The following KCNH1 variants were observed in gnomAD, a reference collection of about 807,000 sequenced individuals.
KCNH1 encodes voltage-gated delayed rectifier potassium channel KCNH1.
In KCNH1, 27 loss-of-function variants were observed where a neutral mutation model predicts 69.2. The observed-to-expected ratio is 0.39, with a 90% CI of 0.29 to 0.54. The LOEUF (loss-of-function observed/expected upper bound fraction) is 0.54, where lower values mean the gene tolerates loss of function less well. KCNH1 is among the 20% of genes least tolerant of loss of function. KCNH1 has a pLI of 0.68. For missense variants in KCNH1, 798 were observed against 1,261.6 expected, an observed-to-expected ratio of 0.63 and a Z score of 5.57; for synonymous variants, 456 against 487.7, an observed-to-expected ratio of 0.93 and a Z score of 0.86.
At chr1:210,975,366 A>C (rs192232775) in intron 6 of KCNH1, among the ~76,000 whole-genome samples, 8 of 152,354 alleles carry the variant, frequency 5.3e-5, no homozygotes, top group Admixed American at 5.2e-4. Context: ...AGGCTACAGT[A>C]ACCAAAACAG....
intron 1 of KCNH1, among the ~76,000 whole-genome samples, chr1:211,128,066 G>A (rs954820156): frequency 2.0e-5 from 3 of 151,974 alleles, no homozygotes; most frequent in South Asian, 2.1e-4. Flanking sequence ...CAAGGCGGGC[G>A]GATCACAAGG....
intron 7 of KCNH1, chr1:210,859,919 T>G: frequency 7.0e-7 from 1 of 1,435,218 alleles, no homozygotes; most frequent in Non-Finnish European, 9.8e-7. Flanking sequence ...AATGTAAAGC[T>G]GCAATTGCAA....
At chr1:210,745,203 C>T (rs1260392674) in intron 10 of KCNH1, among the ~76,000 whole-genome samples, 4 of 70,912 alleles carry the variant, frequency 5.6e-5, no homozygotes, top group African/African-American at 1.8e-4. Flanking sequence ...GACTCTGTCT[C>T]AATAATAATA....
intron 10 of KCNH1, among the ~76,000 whole-genome samples, chr1:210,688,422 G>T (rs1392186786): frequency 6.6e-6 from 1 of 152,134 alleles, no homozygotes; most frequent in African/African-American, 2.4e-5. Context: ...AAACTTTGTG[G>T]CTATAGCCAT....
intron 5 of KCNH1, among the ~76,000 whole-genome samples, chr1:211,080,421 C>G (rs1328681990): frequency 1.3e-5 from 2 of 152,156 alleles, no homozygotes; most frequent in Non-Finnish European, 2.9e-5. Context: ...TCAATGCCAT[C>G]CCCATCAAGC....
intron 10 of KCNH1, among the ~76,000 whole-genome samples, chr1:210,728,300 T>A (rs1558443253): frequency 6.6e-6 from 1 of 152,198 alleles, no homozygotes; most frequent in African/African-American, 2.4e-5. Flanking sequence ...TGAAAGAGAC[T>A]GTGAGTTACT....
chr1:211,118,850 G>T (rs1232282253), intron 1 of KCNH1, among the ~76,000 whole-genome samples: 1 of 152,342 alleles, frequency 6.6e-6, no homozygotes, highest in East Asian at 1.9e-4. Context: ...TTAGAAAAGT[G>T]ACTCAGTTTG....
At chr1:210,844,258 C>T (rs941882333) in intron 7 of KCNH1, among the ~76,000 whole-genome samples, 3 of 152,170 alleles carry the variant, frequency 2.0e-5, no homozygotes, top group Non-Finnish European at 1.5e-5. Flanking sequence ...TGCATTGGCT[C>T]ATGCCTGTAA....
At chr1:210,917,233 A>AGAG (rs1687359387) in intron 7 of KCNH1, among the ~76,000 whole-genome samples, 8 of 98,760 alleles carry the variant, frequency 8.1e-5, no homozygotes, top group African/African-American at 2.6e-4. Flanking sequence ...GAGAGAGAGA[A>AGAG]AGAAAGAAAG....
chr1:210,763,867 T>A (rs1180899066), intron 10 of KCNH1, among the ~76,000 whole-genome samples: 1 of 152,070 alleles, frequency 6.6e-6, no homozygotes, highest in Non-Finnish European at 1.5e-5. Flanking sequence ...AGAAAAAAAC[T>A]ATTCTAAAAT....
At chr1:210,780,972 G>A (rs1350219788) in intron 9 of KCNH1, among the ~76,000 whole-genome samples, 1 of 152,080 alleles carries the variant, frequency 6.6e-6, no homozygotes, top group Non-Finnish European at 1.5e-5. Flanking sequence ...GCGTGAACCC[G>A]GGAGATGGAG....
chr1:210,719,826 G>A (rs555002047), intron 10 of KCNH1, among the ~76,000 whole-genome samples: 46 of 152,104 alleles, frequency 3.0e-4, no homozygotes, highest in Non-Finnish European at 5.4e-4. Context: ...TGCTTCATTT[G>A]TAAATTTGGA....
At chr1:210,960,891 C>T (rs1452420238) in intron 6 of KCNH1, among the ~76,000 whole-genome samples, 1 of 152,110 alleles carries the variant, frequency 6.6e-6, no homozygotes, top group East Asian at 1.9e-4. Context: ...AGTTCTGGTT[C>T]CTCCATATCA....
At chr1:210,954,737 C>A (rs1574359017) in intron 6 of KCNH1, among the ~76,000 whole-genome samples, 1 of 152,158 alleles carries the variant, frequency 6.6e-6, no homozygotes, top group East Asian at 1.9e-4. Flanking sequence ...CCTTTGCCCA[C>A]TTTTTGATGG....
At chr1:210,979,178 C>G (rs1688668059) in intron 6 of KCNH1, among the ~76,000 whole-genome samples, 1 of 152,176 alleles carries the variant, frequency 6.6e-6, no homozygotes, top group Non-Finnish European at 1.5e-5. Context: ...TCATAGCCTG[C>G]CTTGCCCTGG....
chr1:210,706,765 C>A (rs925148791), intron 10 of KCNH1, among the ~76,000 whole-genome samples: 1 of 152,244 alleles, frequency 6.6e-6, no homozygotes, highest in Non-Finnish European at 1.5e-5. Flanking sequence ...GTGGCTAATT[C>A]TCATCACATC....
intron 3 of KCNH1, among the ~76,000 whole-genome samples, chr1:211,094,069 C>T (rs1691103151): frequency 6.6e-6 from 1 of 152,194 alleles, no homozygotes; most frequent in Admixed American, 6.5e-5. Flanking sequence ...GTATCTTATC[C>T]TCTATTGCAG....
At chr1:210,852,056 G>T (rs960694573) in intron 7 of KCNH1, among the ~76,000 whole-genome samples, 2 of 152,242 alleles carry the variant, frequency 1.3e-5, no homozygotes, top group African/African-American at 4.8e-5. Context: ...TTACAAATTA[G>T]AAGTGTTTGG....
At chr1:210,727,079 G>A (rs1682615651) in intron 10 of KCNH1, among the ~76,000 whole-genome samples, 1 of 152,172 alleles carries the variant, frequency 6.6e-6, no homozygotes, top group African/African-American at 2.4e-5. Flanking sequence ...TGTCTTGATG[G>A]TGTGTGGGAT....
Sources: gnomAD v4.1 joint callset for allele counts (sites outside exome capture counted in the v4.1 genomes callset) on GRCh38, gnomAD v4.1.1 for gene constraint, MANE v1.5 for transcripts, NCBI Gene and HGNC (gene_info 2026-07-23, HGNC 2026-07-21) for gene names.